GLCCI1: variants seen among roughly 807,000 people sequenced by gnomAD.
GLCCI1 encodes glucocorticoid induced 1.
A neutral mutation model predicts 52.2 loss-of-function variants in GLCCI1; 24 were observed. The observed-to-expected ratio is 0.46, with a 90% CI of 0.33 to 0.65. The LOEUF is 0.65. Ranked by LOEUF, GLCCI1 falls within the 30% of genes least tolerant of loss-of-function variation. GLCCI1 has a pLI of 0.02. For missense variants in GLCCI1, 704 were observed against 701.5 expected, an observed-to-expected ratio of 1.00 and a Z score of -0.04; for synonymous variants, 310 against 276.5, an observed-to-expected ratio of 1.12 and a Z score of -1.20.
chr7:7,988,657 A>T (rs1780784015), intron 1 of GLCCI1, among the ~76,000 whole-genome samples: 5 of 152,166 alleles, frequency 3.3e-5, no homozygotes, highest in Admixed American at 3.3e-4. Flanking sequence ...AAGTTAGATT[A>T]TCTTATTTAT....
intron 5 of GLCCI1, among the ~76,000 whole-genome samples, chr7:8,067,446 T>C (rs1024737203): frequency 6.6e-6 from 1 of 152,226 alleles, no homozygotes; most frequent in Non-Finnish European, 1.5e-5. Context: ...CAGACTTAAT[T>C]GTGTAGTTGC....
At chr7:8,081,059 C>T (rs1336455064) in intron 6 of GLCCI1, among the ~76,000 whole-genome samples, 1 of 152,090 alleles carries the variant, frequency 6.6e-6, no homozygotes. Flanking sequence ...ACAGAGGGAT[C>T]AGACTTACCC....
At chr7:7,975,645 G>A (rs182108647) in intron 1 of GLCCI1, among the ~76,000 whole-genome samples, 1 of 152,270 alleles carries the variant, frequency 6.6e-6, no homozygotes, top group Non-Finnish European at 1.5e-5. Context: ...GCTGGGGTAT[G>A]GTCTGACATT....
intron 3 of GLCCI1, among the ~76,000 whole-genome samples, chr7:8,029,132 G>C (rs981697820): frequency 6.6e-6 from 1 of 152,188 alleles, no homozygotes; most frequent in Non-Finnish European, 1.5e-5. Context: ...ACCAAAACCA[G>C]ACAAAGACAC....
intron 5 of GLCCI1, among the ~76,000 whole-genome samples, chr7:8,068,525 C>G (rs749895689): frequency 2.0e-5 from 3 of 152,194 alleles, no homozygotes; most frequent in Admixed American, 6.5e-5. Flanking sequence ...GCCATTTCAT[C>G]AATCAGCTCC....
intron 1 of GLCCI1, among the ~76,000 whole-genome samples, chr7:7,979,765 G>A (rs1562414500): frequency 1.3e-5 from 2 of 152,316 alleles, no homozygotes; most frequent in East Asian, 3.9e-4. Flanking sequence ...GTGATGCCTT[G>A]TGAGGCTGTT....
intron 5 of GLCCI1, among the ~76,000 whole-genome samples, chr7:8,064,326 G>A (rs1480444529): frequency 6.6e-6 from 1 of 152,268 alleles, no homozygotes. Flanking sequence ...CATATAGCTA[G>A]CGAATTATCC....
At chr7:8,074,510 C>T (rs981370168) in intron 6 of GLCCI1, among the ~76,000 whole-genome samples, 1 of 151,994 alleles carries the variant, frequency 6.6e-6, no homozygotes, top group African/African-American at 2.4e-5. Context: ...ATAGTGAAAC[C>T]CCATCTCTAC....
rs375267768 is a variant in GLCCI1 at position 8,086,163 on chromosome 7, T to C, written c.1299-30T>C. ...GCTTAACTTTTTCTGTGTTCATGAT[T>C]ATAAATCTAATTTTGTTTTATGGTT... On this transcript the variant is annotated intron_variant, in intron 7 of 7. Transcript: ENST00000223145. This position sits in a 1 kb window ranked among gnomAD's most constrained non-coding sequence, Gnocchi z 4.4. The C allele has an allele frequency of 5.7e-5, 88 of 1,539,290 alleles. No individual in the cohort carries two copies. Among genetic ancestry groups the C allele is most frequent in the Non-Finnish European group, 9.7e-6 (11 of 1,136,396 alleles).
At chr7:7,981,344 A>C (rs1403305954) in intron 1 of GLCCI1, 2 of 238,162 alleles carry the variant, frequency 8.4e-6, no homozygotes, top group Non-Finnish European at 1.6e-5. Flanking sequence ...TTTTGTTGAG[A>C]TGGAGTCTCA....
chr7:8,032,043 T>G (rs2127951889), intron 3 of GLCCI1, among the ~76,000 whole-genome samples: 1 of 152,132 alleles, frequency 6.6e-6, no homozygotes, highest in East Asian at 1.9e-4. Flanking sequence ...ATCAGCAAGG[T>G]GATAGAAGAC....
In GLCCI1 at chr7:8,043,737, A is replaced by G. The variant is rs543346849; in HGVS notation, c.697-11696A>G. 9.2e-5 allele frequency among the ~76,000 whole-genome samples: 14 copies of G among 152,306 alleles called. No homozygotes were observed. In the East Asian group the frequency reaches 1.5e-3, roughly 17 times the overall value. On this transcript the variant is annotated intron_variant, in intron 3 of 7. Transcript: ENST00000223145. ...TTAATGGAATGTAAATTATACTTCA[A>G]TAAAACTGAAAAAAGGGAATAGGTA...
intron 4 of GLCCI1, 35 bp downstream of exon 4, chr7:8,055,584 C>A: frequency 1.6e-6 from 2 of 1,225,216 alleles, no homozygotes; most frequent in Non-Finnish European, 2.4e-6. Context: ...TGAATAATTA[C>A]TTTTAGTTCA....
At position 8,034,498 on chromosome 7, in the gene GLCCI1, A is replaced by G. The variant is rs560747138; in HGVS notation, c.696+11929A>G. Among the ~76,000 whole-genome samples, 5 of 152,344 alleles carry G rather than the reference A, an allele frequency of 3.3e-5. No homozygotes were observed. In the East Asian group the frequency reaches 5.8e-4, roughly 18 times the overall value. On this transcript the variant is annotated intron_variant, in intron 3 of 7. Transcript: ENST00000223145. ...TAAAGGGCTTCTATGTAGAATATAT[A>G]AAGAATTCTTACAAATCAATAAGAA...
chr7:8,070,845 G>C (rs10253861), intron 5 of GLCCI1, 76 bp from the exon 6 acceptor site: 1 of 1,302,368 alleles, frequency 7.7e-7, no homozygotes, highest in East Asian at 2.3e-5. Flanking sequence ...ATGAAATCAA[G>C]GGAAATACTA....
rs1305908861 is a variant in GLCCI1, at chr7:8,070,907, T to A, written c.967-14T>A. On this transcript the variant is annotated splice_polypyrimidine_tract_variant and intron_variant, in intron 5 of 7. Transcript: ENST00000223145. ...GCACCAGCATTTGGATGTTTAATGGTATTCCTCTTACAGCCGTTGGACATA... is the reference window on the plus strand; with the variant it reads ...GCACCAGCATTTGGATGTTTAATGGAATTCCTCTTACAGCCGTTGGACATA... 1 of 1,609,958 alleles carries A rather than the reference T, an allele frequency of 6.2e-7. No individual in the cohort carries two copies. Among genetic ancestry groups the A allele is most frequent in the Non-Finnish European group, 8.5e-7 (1 of 1,176,382 alleles).
intron 1 of GLCCI1, among the ~76,000 whole-genome samples, chr7:7,988,888 C>T (rs949187922): frequency 2.0e-5 from 3 of 152,168 alleles, no homozygotes; most frequent in African/African-American, 7.2e-5. Flanking sequence ...CTTTGCTGAC[C>T]TCTGCTGCAG....
In GLCCI1 at chr7:8,055,467, G is replaced by A. The variant is rs867212995; in HGVS notation, c.731G>A (p.Ser244Asn). Residue 244 changes from serine (S) to asparagine (N), a missense_variant, in exon 4 of 8, where the codon AGT becomes AAT. Ser to Asn is a conservative substitution (Grantham distance 46, BLOSUM62 1). Coordinates refer to ENST00000223145, the MANE Select transcript of GLCCI1 (RefSeq NM_138426.4). ...IAKLRQQLQR[S>N]KQSSRHSKEK... ...AAACTGAGGCAGCAACTACAACGCA[G>A]TAAACAGAGTAGTCGTCACAGTAAG... The A allele has an allele frequency of 1.9e-6, 3 of 1,613,698 alleles. No homozygotes were observed. Among genetic ancestry groups the A allele is most frequent in the African/African-American group, 2.7e-5 (2 of 74,894 alleles).
At chr7:7,999,282 T>C (rs1781004602) in intron 1 of GLCCI1, among the ~76,000 whole-genome samples, 1 of 152,190 alleles carries the variant, frequency 6.6e-6, no homozygotes, top group Admixed American at 6.5e-5. Context: ...GGGACTCATT[T>C]ATAGATTGTT....
Sources: allele counts gnomAD v4.1 joint callset (sites outside exome capture counted in the v4.1 genomes callset), GRCh38; gene constraint gnomAD v4.1.1; non-coding constraint Gnocchi (gnomAD v3.1); transcripts MANE v1.5; gene names NCBI Gene and HGNC (gene_info 2026-07-23, HGNC 2026-07-21).